Variants in ZDBF2 observed in about 807,000 individuals in gnomAD.
ZDBF2 encodes DBF4-type zinc finger-containing protein 2.
Under a neutral mutation model 9.4 loss-of-function variants are expected in ZDBF2, and 6 were observed. The ratio of observed to expected loss-of-function variants is 0.64; its 90% CI spans 0.35 to 1.27. The LOEUF (loss-of-function observed/expected upper bound fraction) is 1.27, where lower values mean the gene tolerates loss of function less well. Ranked by LOEUF, ZDBF2 falls within the 50% of genes most tolerant of loss-of-function variation. The probability of loss-of-function intolerance (pLI) is 0.03; values close to 1 mark genes in which losing one functional copy is unlikely to be tolerated. For synonymous variants in ZDBF2, 905 were observed against 946.3 expected (o/e 0.96, Z 0.80); for missense variants, 2,697 against 2,766.8 (o/e 0.97, Z 0.57).
chr2:206,310,150 A>C lies in ZDBF2; in HGVS notation c.5622A>C (p.Lys1874Asn), dbSNP rs1693079978. 1.2e-6 allele frequency: 2 copies of C among 1,613,484 alleles called. No individual in the cohort carries two copies. The highest frequency in any genetic ancestry group is 1.7e-6 in the Non-Finnish European group (2 of 1,179,734). Residue 1874 changes from lysine to asparagine, a missense_variant, in exon 5 of 5, where the codon AAA (lysine) becomes AAC (asparagine). Lys to Asn is a moderately conservative substitution (Grantham distance 94, BLOSUM62 0). Coordinates refer to ENST00000374423, the MANE Select transcript of ZDBF2 (RefSeq NM_020923.3). ...AAAAAGTTTCTTCGAAGGGGAAAAAAAAGGTTACCTGGGCTGACTTGCAAG... is the reference window on the plus strand; with the variant it reads ...AAAAAGTTTCTTCGAAGGGGAAAAACAAGGTTACCTGGGCTGACTTGCAAG... ...ETKKVSSKGK[K>N]KVTWADLQGK...
Position 206,311,330 on chromosome 2 carries a change from G to T in ZDBF2, c.6802G>T (p.Val2268Leu). The T allele has an allele frequency of 6.2e-7, 1 of 1,604,766 alleles. No homozygotes were observed. The highest frequency in any genetic ancestry group is 8.5e-7 in the Non-Finnish European group (1 of 1,175,042). ...AAAGAAGGCGAAGAGAACAGCTAAA[G>T]TGCTTTTGAACTCTTCAGTTCCACC... ...RLKKAKRTAK[V>L]LLNSSVPPAG... is the part of the protein sequence containing the mutation. Residue 2268 changes from valine to leucine, a missense_variant, in exon 5 of 5, where the codon GTG (valine) becomes TTG (leucine). This residue lies in a region of ZDBF2 where 1,783 missense variants were observed against 1,776.5 expected (regional missense o/e 1.00). Coordinates refer to ENST00000374423, the MANE Select transcript of ZDBF2 (RefSeq NM_020923.3).
At position 206,310,946 on chromosome 2, in the gene ZDBF2, C is replaced by G. The variant is rs1693143408; in HGVS notation, c.6418C>G (p.Leu2140Val). 1.2e-6 allele frequency: 2 copies of G among 1,613,756 alleles called. No individual in the cohort carries two copies. The highest frequency in any genetic ancestry group is 1.3e-5 in the African/African-American group (1 of 75,020). ...EESKVLHARELPKKRNFQLTF... is the reference protein window; with the variant it reads ...EESKVLHAREVPKKRNFQLTF... Reference sequence around the variant, plus strand: ...ATCAAAGGTTCTGCATGCTCGTGAGCTTCCAAAGAAAAGAAATTTCCAGCT... The same window carrying G: ...ATCAAAGGTTCTGCATGCTCGTGAGGTTCCAAAGAAAAGAAATTTCCAGCT... Residue 2140 changes from leucine to valine, a missense_variant, in exon 5 of 5, where the codon CTT becomes GTT. Physicochemically the swap from Leu to Val is conservative, Grantham distance 32 (BLOSUM62 1). Transcript: ENST00000374423.
rs369014537 is a variant in ZDBF2 at position 206,292,697 on chromosome 2, AAAG to A, written c.61-4546_61-4544del. 1.5e-3 allele frequency among the ~76,000 whole-genome samples: 225 copies of A among 152,248 alleles called. 10 individuals carry two copies. The South Asian group carries it at 0.045, about 31-fold the overall frequency. ...TTAAAAGGTTGTTACACTAATGTAA[AAAG>A]AAAGTGTATTTTTATATACAGATAC... On this transcript the variant is annotated intron_variant, in intron 3 of 4. Coordinates refer to ENST00000374423, the MANE Select transcript of ZDBF2 (RefSeq NM_020923.3).
chr2:206,302,017 G>C (rs914237184), intron 4 of ZDBF2, among the ~76,000 whole-genome samples: 5 of 150,238 alleles, frequency 3.3e-5, no homozygotes, highest in Non-Finnish European at 5.9e-5. Context: ...GAGTTTAGCT[G>C]TTTTTTGTTC....
chr2:206,304,605 G>C, intron 4 of ZDBF2, 112 bp from the exon 5 acceptor site: 1 of 1,324,110 alleles, frequency 7.6e-7, no homozygotes, highest in Non-Finnish European at 1.0e-6. Context: ...TGGATTCCTT[G>C]TCCTTTAAGG....
At chr2:206,299,762 A>G (rs754909344) in intron 4 of ZDBF2, among the ~76,000 whole-genome samples, 3 of 151,818 alleles carry the variant, frequency 2.0e-5, no homozygotes, top group Admixed American at 6.6e-5. Context: ...CCGTGAATAG[A>G]TGCATCCGGC....
intron 4 of ZDBF2, among the ~76,000 whole-genome samples, chr2:206,300,628 C>G (rs1446120518): frequency 1.3e-5 from 2 of 152,176 alleles, no homozygotes; most frequent in Non-Finnish European, 2.9e-5. Flanking sequence ...AGTTACTCCA[C>G]TGTGAAGTTA....
intron 3 of ZDBF2, among the ~76,000 whole-genome samples, chr2:206,282,734 A>G (rs1691390129): frequency 6.6e-6 from 1 of 152,234 alleles, no homozygotes; most frequent in African/African-American, 2.4e-5. Context: ...CTCATACACC[A>G]TAAACTTGAC....
chr2:206,287,251 G>C (rs1000226743), intron 3 of ZDBF2, among the ~76,000 whole-genome samples: 1 of 152,184 alleles, frequency 6.6e-6, no homozygotes, highest in Non-Finnish European at 1.5e-5. Flanking sequence ...AGCATTTCTT[G>C]TGAGCCTGGC....
intron 3 of ZDBF2, among the ~76,000 whole-genome samples, chr2:206,296,081 TA>T (rs1692162068): frequency 1.3e-5 from 2 of 152,170 alleles, no homozygotes; most frequent in South Asian, 4.1e-4. Context: ...TAAGAATTTA[TA>T]AGAAAAATTG....
In ZDBF2 at chr2:206,310,203, C is replaced by G. The variant is rs560953182; in HGVS notation, c.5675C>G (p.Ala1892Gly). Residue 1892 changes from alanine to glycine, a missense_variant, in exon 5 of 5, where the codon GCT becomes GGT. Ala to Gly is a moderately conservative substitution (Grantham distance 60). Transcript: ENST00000374423. Reference protein sequence around the residue: ...QGKEDTAPTQAVSESDDIVCG... With the variant: ...QGKEDTAPTQGVSESDDIVCG... ...AAGGAGGACACTGCACCAACTCAAGCTGTGTCAGAGAGTGATGATATTGTC... is the reference window on the plus strand; with the variant it reads ...AAGGAGGACACTGCACCAACTCAAGGTGTGTCAGAGAGTGATGATATTGTC... 5.6e-6 allele frequency: 9 copies of G among 1,613,820 alleles called. No homozygotes were observed. The highest frequency in any genetic ancestry group is 7.6e-6 in the Non-Finnish European group (9 of 1,179,892).
Position 206,310,882 on chromosome 2 carries a change from A to G in ZDBF2, c.6354A>G (p.Ser2118=). 1 of 1,613,936 alleles carries G rather than the reference A, an allele frequency of 6.2e-7. No individual in the cohort carries two copies. The highest frequency in any genetic ancestry group is 1.7e-5 in the Admixed American group (1 of 60,018). The change falls in exon 5 of 5, where the codon TCA becomes TCG. Residue 2118 remains serine (S), a synonymous_variant. Transcript: ENST00000374423. ...TGCCGGCAAGATATGGATTTAATTC[A>G]CATCAGGGAACCAGTGACTCTTCTC... ...MAVPARYGFN[S]HQGTSDSSLF...
intron 3 of ZDBF2, chr2:206,291,939 G>A (rs948321262): frequency 1.5e-5 from 6 of 394,400 alleles, no homozygotes; most frequent in East Asian, 1.4e-4. Context: ...TACTCAATAC[G>A]TATATCTTTT....
chr2:206,305,795 G>A lies in ZDBF2; in HGVS notation c.1267G>A (p.Val423Met). The stretch of plus-strand genomic sequence containing the variant: ...TCATTCACTGACTGACCAATCTAAA[G>A]TGAGTGCCAAAGAAGTAAACCTTTC... ...SFHSLTDQSK[V>M]SAKEVNLSKE... is the part of the protein sequence containing the mutation. The change falls in exon 5 of 5, where the codon GTG becomes ATG. Residue 423 changes from valine (V) to methionine (M), a missense_variant. Around this residue, in one of 3 missense-constraint regions of ZDBF2, gnomAD observed 910 missense variants for 973.6 expected, o/e 0.93. Transcript: ENST00000374423. 1 of 1,613,710 alleles carries A rather than the reference G, an allele frequency of 6.2e-7. No individual in the cohort carries two copies. Among genetic ancestry groups the A allele is most frequent in the South Asian group, 1.1e-5 (1 of 91,074 alleles).
In ZDBF2 at chr2:206,306,613, G is replaced by T; in HGVS notation, c.2085G>T (p.Glu695Asp). The T allele has an allele frequency of 6.2e-7, 1 of 1,613,734 alleles. No homozygotes were observed. Among genetic ancestry groups the T allele is most frequent in the Non-Finnish European group, 8.5e-7 (1 of 1,179,780 alleles). ...IERQKVDVDLENKSVQSSRSS... is the reference protein window; with the variant it reads ...IERQKVDVDLDNKSVQSSRSS... ...GTCAGAAAGTGGATGTTGACCTTGA[G>T]AATAAGAGTGTTCAGTCTAGCCGTT... The change falls in exon 5 of 5, where the codon GAG (glutamate) becomes GAT (aspartate). Residue 695 changes from glutamate to aspartate, a missense_variant. Glu to Asp is a conservative substitution (Grantham distance 45, BLOSUM62 2). Transcript: ENST00000374423.
At chr2:206,295,693 G>A (rs1003722193) in intron 3 of ZDBF2, among the ~76,000 whole-genome samples, 30 of 151,854 alleles carry the variant, frequency 2.0e-4, no homozygotes, top group African/African-American at 7.3e-4. Context: ...CTAATTTTTT[G>A]TGCCTTAGTC....
chr2:206,280,651 CTCATAAATGTGAGA>C (rs1691266760), intron 2 of ZDBF2, among the ~76,000 whole-genome samples: 2 of 152,088 alleles, frequency 1.3e-5, no homozygotes, highest in Non-Finnish European at 2.9e-5. Context: ...ATTAATTTTC[CTCATAAATGTGAGA>C]AGTCAGAAAA....
chr2:206,284,028 T>A (rs980697198), intron 3 of ZDBF2, among the ~76,000 whole-genome samples: 2 of 152,176 alleles, frequency 1.3e-5, no homozygotes, highest in African/African-American at 4.8e-5. Context: ...GTTTTGCTTA[T>A]GTTTTTTGGT....
At chr2:206,303,222 T>C (rs1055688171) in intron 4 of ZDBF2, among the ~76,000 whole-genome samples, 1 of 151,540 alleles carries the variant, frequency 6.6e-6, no homozygotes, top group African/African-American at 2.4e-5. Flanking sequence ...TGTGACAGTT[T>C]AATCTTTTTT....
Sources: allele counts gnomAD v4.1 joint callset (sites outside exome capture counted in the v4.1 genomes callset), GRCh38; gene constraint gnomAD v4.1.1; regional missense constraint gnomAD v4.1.1; transcripts MANE v1.5; gene names NCBI Gene and HGNC (gene_info 2026-07-23, HGNC 2026-07-21).